NFIB: variants seen among roughly 807,000 people sequenced by gnomAD.
NFIB encodes the protein nuclear factor I B.
A neutral mutation model predicts 61.5 loss-of-function variants in NFIB; 11 were observed. That is an observed-to-expected ratio of 0.18 (90% confidence interval 0.11 to 0.30). The LOEUF (loss-of-function observed/expected upper bound fraction) is 0.30, where lower values mean the gene tolerates loss of function less well. NFIB is among the 10% of genes least tolerant of loss of function. The probability of loss-of-function intolerance (pLI) is 1.00; values close to 1 mark genes in which losing one functional copy is unlikely to be tolerated. For missense variants in NFIB, 471 were observed against 608.9 expected (o/e 0.77, Z 2.38); for synonymous variants, 260 against 216.5 (o/e 1.20, Z -1.76).
chr9:14,404,297 T>C, the NFIB span, among the ~76,000 whole-genome samples: 1 of 152,190 alleles, frequency 6.6e-6, no homozygotes, highest in Non-Finnish European at 1.5e-5. Context: ...TTCTTTGATT[T>C]GGTAAACATT....
At chr9:14,334,667 T>A (rs548121275) in intron 1 of NFIB, among the ~76,000 whole-genome samples, 10 of 152,290 alleles carry the variant, frequency 6.6e-5, no homozygotes, top group African/African-American at 2.2e-4. Flanking sequence ...AATATTTTTT[T>A]TAAAAAAACA....
At chr9:14,230,108 C>G (rs931914731) in intron 2 of NFIB, among the ~76,000 whole-genome samples, 3 of 152,184 alleles carry the variant, frequency 2.0e-5, no homozygotes, top group African/African-American at 7.2e-5. Context: ...CCTGGCCTGA[C>G]CTGATGAATT....
chr9:14,455,564 T>C, the NFIB span, among the ~76,000 whole-genome samples: 1 of 152,086 alleles, frequency 6.6e-6, no homozygotes, highest in Non-Finnish European at 1.5e-5. Context: ...AACTCAGGGA[T>C]ATGATTTAAT....
intron 4 of NFIB, 64 bp downstream of exon 4, chr9:14,155,761 T>G: frequency 9.6e-7 from 1 of 1,039,522 alleles, no homozygotes; most frequent in Non-Finnish European, 1.4e-6. Flanking sequence ...ACATTTAAGG[T>G]TCAAAATATA....
chr9:14,482,376 C>G, the NFIB span, among the ~76,000 whole-genome samples: 3 of 152,096 alleles, frequency 2.0e-5, no homozygotes, highest in Admixed American at 6.6e-5. Flanking sequence ...TGTTATGTCC[C>G]CTCCTCCTCA....
chr9:14,182,519 G>A (rs79750224), intron 2 of NFIB, among the ~76,000 whole-genome samples: 1,604 of 152,180 alleles, frequency 0.011, 15 homozygotes, highest in African/African-American at 0.027. Context: ...CCAGGGAGTC[G>A]TGGTTGGCAG....
At chr9:14,360,986 C>A (rs187573094) in intron 1 of NFIB, among the ~76,000 whole-genome samples, 1 of 152,074 alleles carries the variant, frequency 6.6e-6, no homozygotes, top group Non-Finnish European at 1.5e-5. Flanking sequence ...AGACATATTT[C>A]ATTAATTATT....
At chr9:14,459,552 A>G in the NFIB span, among the ~76,000 whole-genome samples, 2 of 152,130 alleles carry the variant, frequency 1.3e-5, no homozygotes, top group African/African-American at 4.8e-5. Context: ...CTGCACAGCA[A>G]AAGAAACTAT....
chr9:14,122,468 C>A (rs546144916), intron 7 of NFIB, among the ~76,000 whole-genome samples: 2 of 152,150 alleles, frequency 1.3e-5, no homozygotes, highest in African/African-American at 4.8e-5. Context: ...TTCCTACATA[C>A]TGAAGTTTGA....
At chr9:14,417,511 T>C in the NFIB span, among the ~76,000 whole-genome samples, 149 of 152,304 alleles carry the variant, frequency 9.8e-4, no homozygotes, top group African/African-American at 3.5e-3. Context: ...CCTACCAAGA[T>C]GATGGTCCAA....
intron 3 of NFIB, among the ~76,000 whole-genome samples, chr9:14,161,104 C>A (rs528797201): frequency 4.6e-5 from 7 of 152,236 alleles, no homozygotes; most frequent in Admixed American, 1.3e-4. Context: ...CTTTGCCAAT[C>A]TTCATATAAC....
At chr9:14,518,674 G>A in the NFIB span, among the ~76,000 whole-genome samples, 3 of 151,836 alleles carry the variant, frequency 2.0e-5, no homozygotes, top group African/African-American at 4.8e-5. Flanking sequence ...AAAAAAAAAA[G>A]AGAGAAGAGA....
chr9:14,292,717 T>C (rs1386229780), intron 2 of NFIB, among the ~76,000 whole-genome samples: 1 of 152,172 alleles, frequency 6.6e-6, no homozygotes, highest in Non-Finnish European at 1.5e-5. Flanking sequence ...AATCACTATA[T>C]GGCGTAGAGT....
In NFIB at chr9:14,350,831, A is replaced by C. The variant is rs140646052; in HGVS notation, c.109-43311T>G. Reference sequence around the variant, plus strand: ...AAGGGCCTCCCATCTGCTTCCAACAACCCCCTTACAATGTCAGAAAATCTT... The same window carrying C: ...AAGGGCCTCCCATCTGCTTCCAACACCCCCCTTACAATGTCAGAAAATCTT... On this transcript the variant is annotated intron_variant, in intron 1 of 8. Transcript: ENST00000380934. Among the ~76,000 whole-genome samples the C allele has an allele frequency of 2.6e-5, 4 of 152,000 alleles. No homozygotes were observed. In the East Asian group the frequency reaches 7.8e-4, roughly 29 times the overall value.
At chr9:14,164,299 G>T (rs981188570) in intron 3 of NFIB, among the ~76,000 whole-genome samples, 9 of 152,020 alleles carry the variant, frequency 5.9e-5, no homozygotes, top group Admixed American at 4.6e-4. Context: ...TTTCATGGTT[G>T]TATGAACATC....
intron 1 of NFIB, among the ~76,000 whole-genome samples, chr9:14,336,388 C>G (rs2060886027): frequency 6.6e-6 from 1 of 152,204 alleles, no homozygotes; most frequent in Non-Finnish European, 1.5e-5. Flanking sequence ...TAACTGACCA[C>G]CAGCTGAGCA....
At chr9:14,443,138 G>A in the NFIB span, among the ~76,000 whole-genome samples, 1 of 150,854 alleles carries the variant, frequency 6.6e-6, no homozygotes, top group African/African-American at 2.4e-5. Flanking sequence ...GGAAAGGAAG[G>A]TCAAGGTTCA....
chr9:14,369,837 T>C (rs1456896040), intron 1 of NFIB, among the ~76,000 whole-genome samples: 1 of 152,216 alleles, frequency 6.6e-6, no homozygotes, highest in Non-Finnish European at 1.5e-5. Context: ...ATTGACCTTC[T>C]TACTTTCAGT....
chr9:14,263,448 C>A (rs61422412), intron 2 of NFIB, among the ~76,000 whole-genome samples: 1,938 of 152,186 alleles, frequency 0.013, 42 homozygotes, highest in African/African-American at 0.044. Flanking sequence ...GTTTCCATAC[C>A]CGTATTTACC....
Sources: allele counts gnomAD v4.1 joint callset (sites outside exome capture counted in the v4.1 genomes callset), GRCh38; gene constraint gnomAD v4.1.1; transcripts MANE v1.5; gene names NCBI Gene and HGNC (gene_info 2026-07-23, HGNC 2026-07-21).